The following NDUFS2 variants were observed in gnomAD, a reference collection of about 807,000 sequenced individuals.
NDUFS2 encodes NADH:ubiquinone oxidoreductase core subunit S2.
Under a neutral mutation model 69.6 loss-of-function variants are expected in NDUFS2, and 38 were observed. That is an observed-to-expected ratio of 0.55 (90% CI 0.42 to 0.72). The LOEUF (loss-of-function observed/expected upper bound fraction) is 0.72, where lower values mean the gene tolerates loss of function less well. NDUFS2 is among the 30% of genes least tolerant of loss of function. NDUFS2 has a pLI of 0.00. For synonymous variants in NDUFS2, 194 were observed against 211.2 expected, an observed-to-expected ratio of 0.92 and a Z score of 0.70; for missense variants, 468 against 595.0, an observed-to-expected ratio of 0.79 and a Z score of 2.22.
Position 161,214,304 on chromosome 1 carries a change from T to TGTGTGTG in NDUFS2, c.*111_*112insGTGTGTG. 13 of 1,033,382 alleles carry TGTGTGTG rather than the reference T, an allele frequency of 1.3e-5. No individual in the cohort carries two copies. The highest frequency in any genetic ancestry group is 1.8e-5 in the Non-Finnish European group (12 of 668,158). 64.0% of individuals were successfully genotyped at this position (1,033,382 alleles called of 1,614,324 possible). A position where few individuals can be genotyped will look rare whatever the true frequency, so the allele number is the denominator to read the frequency against. ...GTGTGTGTGTGTGTGTGTGTGTATG[T>TGTGTGTG]TCATGTACACTTGGCTGTCAGGCTT... On this transcript the variant is annotated 3_prime_UTR_variant, in exon 14 of 14. Coordinates refer to ENST00000676972, the MANE Select transcript of NDUFS2 (RefSeq NM_001377299.1).
At chr1:161,200,934 C>T (rs1176297291), upstream of NDUFS2, among the ~76,000 whole-genome samples, 2 of 152,148 alleles carry the variant, frequency 1.3e-5, no homozygotes, top group Non-Finnish European at 2.9e-5. Context: ...TCAGGAGCCC[C>T]CCACCCCAGT....
intron 9 of NDUFS2, 118 bp from the exon 10 acceptor site, chr1:161,212,233 G>A (rs1333487321): frequency 7.7e-7 from 1 of 1,295,946 alleles, no homozygotes; most frequent in Non-Finnish European, 1.1e-6. Context: ...TGCTGTACTT[G>A]GAGAAAAGAG....
upstream of NDUFS2, among the ~76,000 whole-genome samples, chr1:161,200,828 T>C (rs1400642207): frequency 2.0e-5 from 3 of 152,098 alleles, no homozygotes; most frequent in African/African-American, 7.2e-5. Flanking sequence ...GACTAAGCAA[T>C]GAAAGACAAA....
intron 3 of NDUFS2, 30 bp downstream of exon 3, chr1:161,206,627 G>T (rs757729200): frequency 6.2e-7 from 1 of 1,609,326 alleles, no homozygotes. Flanking sequence ...GCCTTTTGGC[G>T]GGATCTGGGG....
intron 3 of NDUFS2, among the ~76,000 whole-genome samples, chr1:161,208,991 C>CACTTTGGAGG (rs766629736): frequency 6.6e-6 from 1 of 152,200 alleles, no homozygotes; most frequent in Non-Finnish European, 1.5e-5. Context: ...AGTCCTCCCT[C>CACTTTGGAGG]ACTTTGGAGA....
intron 10 of NDUFS2, chr1:161,213,035 G>T (rs1041294016): frequency 1.8e-5 from 6 of 342,314 alleles, no homozygotes; most frequent in Admixed American, 4.1e-5. Context: ...CTCCCGAGTA[G>T]CTGGGATTAC....
chr1:161,206,523 C>T lies in NDUFS2; in HGVS notation c.319C>T (p.Arg107Trp), dbSNP rs768045508. The change falls in exon 3 of 14, where the codon CGG becomes TGG. Residue 107 changes from arginine to tryptophan, a missense_variant. By Grantham distance (101) the Arg-to-Trp change is moderately radical. Transcript: ENST00000676972. ...GATGGAATTGAGTGGGGAGATGGTG[C>T]GGAAGTGTGATCCTCACATCGGGCT... is the stretch of plus-strand genomic sequence containing the variant. Reference protein sequence around the residue: ...LVMELSGEMVRKCDPHIGLLH... With the variant: ...LVMELSGEMVWKCDPHIGLLH... 4 of 1,614,198 alleles carry T rather than the reference C, an allele frequency of 2.5e-6. No homozygotes were observed. The highest frequency in any genetic ancestry group is 1.1e-5 in the South Asian group (1 of 91,090).
In NDUFS2 at chr1:161,206,571, C is replaced by T. The variant is rs772258330; in HGVS notation, c.367C>T (p.Leu123Phe). 8 of 1,613,844 alleles carry T rather than the reference C, an allele frequency of 5.0e-6. No individual in the cohort carries two copies. In the Admixed American group the frequency reaches 1.3e-4, roughly 27 times the overall value. The change falls in exon 3 of 14, where the codon CTC becomes TTC. Residue 123 changes from leucine to phenylalanine, a missense_variant. Coordinates refer to ENST00000676972, the MANE Select transcript of NDUFS2 (RefSeq NM_001377299.1). Reference protein sequence around the residue: ...IGLLHRGTEKLIEYKTYLQAL... With the variant: ...IGLLHRGTEKFIEYKTYLQAL... ...GCTCCTGCACCGAGGCACTGAGAAG[C>T]TCATTGAATACAAGACCTATCTTCA... is the stretch of plus-strand genomic sequence containing the variant.
upstream of NDUFS2, chr1:161,198,733 T>G: frequency 8.8e-7 from 1 of 1,131,720 alleles, no homozygotes; most frequent in Non-Finnish European, 1.2e-6. The surrounding 1 kb of genome is among the most constrained non-coding windows in gnomAD (Gnocchi z 4.7). Context: ...CTTGGACTCC[T>G]GCCAAGGTCA....
upstream of NDUFS2, chr1:161,198,499 G>T (rs576178352): frequency 3.2e-5 from 50 of 1,567,436 alleles, no homozygotes; most frequent in Middle Eastern, 5.0e-4. This position sits in a 1 kb window ranked among gnomAD's most constrained non-coding sequence, Gnocchi z 4.7. Flanking sequence ...GCAGGAGAGA[G>T]GCCAGCAGTA....
At chr1:161,201,773 G>A (rs981748118), upstream of NDUFS2, among the ~76,000 whole-genome samples, 8 of 152,126 alleles carry the variant, frequency 5.3e-5, no homozygotes, top group Admixed American at 2.6e-4. Flanking sequence ...ACTCCCCTCC[G>A]CACCACCAAT....
At chr1:161,208,293 G>A (rs1665588278) in intron 3 of NDUFS2, among the ~76,000 whole-genome samples, 2 of 151,482 alleles carry the variant, frequency 1.3e-5, no homozygotes, top group African/African-American at 2.4e-5. Flanking sequence ...CAGTATGTCA[G>A]TTTTTTAAAT....
chr1:161,209,316 A>G lies in NDUFS2; in HGVS notation c.514+3A>G. 1.2e-6 allele frequency: 2 copies of G among 1,614,116 alleles called. No individual in the cohort carries two copies. The highest frequency in any genetic ancestry group is 1.7e-6 in the Non-Finnish European group (2 of 1,180,038). On this transcript the variant is annotated splice_donor_region_variant and intron_variant, in intron 4 of 13. Coordinates refer to ENST00000676972, the MANE Select transcript of NDUFS2 (RefSeq NM_001377299.1). ...TCCTCGGGCACAGTGGATCCGAGGT[A>G]TGTCCCCCCAACTTTTTCTGTGGCC...
chr1:161,202,240 C>G, upstream of NDUFS2: 1 of 768,056 alleles, frequency 1.3e-6, no homozygotes, highest in Non-Finnish European at 2.2e-6. Context: ...GTCACAGGAC[C>G]CGGATGTTGT....
chr1:161,200,884 A>T (rs1205518860), upstream of NDUFS2, among the ~76,000 whole-genome samples: 1 of 152,172 alleles, frequency 6.6e-6, no homozygotes, highest in Non-Finnish European at 1.5e-5. Flanking sequence ...TGTTGGCAGC[A>T]GGGAGAAGGC....
rs121434427 is a variant in NDUFS2, at chr1:161,209,912, G to A, written c.683G>A (p.Arg228Gln). 3.7e-6 allele frequency: 6 copies of A among 1,613,992 alleles called. No homozygotes were observed. Among genetic ancestry groups the A allele is most frequent in the Non-Finnish European group, 5.1e-6 (6 of 1,179,996 alleles). ...SGARMHAAYI[R>Q]PGGVHQDLPL... is the part of the protein sequence containing the mutation. The stretch of plus-strand genomic sequence containing the variant: ...GCCCGAATGCATGCTGCTTATATCC[G>A]GCCAGGAGGAGTGCACCAGGTGAGC... The change falls in exon 6 of 14, where the codon CGG becomes CAG. Residue 228 changes from arginine to glutamine, a missense_variant. By Grantham distance (43) the Arg-to-Gln change is conservative. Coordinates refer to ENST00000676972, the MANE Select transcript of NDUFS2 (RefSeq NM_001377299.1).
At chr1:161,202,121 G>T (rs1053000076), upstream of NDUFS2, 1 of 547,914 alleles carries the variant, frequency 1.8e-6, no homozygotes, top group Non-Finnish European at 3.3e-6. Flanking sequence ...ACGCAGGAAC[G>T]GCAATTTTCC....
At position 161,214,266 on chromosome 1, in the gene NDUFS2, C is replaced by G. The variant is rs1665933075; in HGVS notation, c.*73C>G. On this transcript the variant is annotated 3_prime_UTR_variant, in exon 14 of 14. Transcript: ENST00000676972. ...GAGCCTGTTCCTCACTGGAAATTGG[C>G]CTCTGTGTGTGTGTGTGTGTGTGTG... 8.9e-7 allele frequency: 1 copy of G among 1,119,892 alleles called. No individual in the cohort carries two copies. The highest frequency in any genetic ancestry group is 1.3e-6 in the Non-Finnish European group (1 of 777,686). 69.4% of individuals were successfully genotyped at this position (1,119,892 alleles called of 1,614,324 possible).
chr1:161,212,615 T>C, intron 10 of NDUFS2, 135 bp downstream of exon 10: 2 of 1,193,454 alleles, frequency 1.7e-6, no homozygotes, highest in Non-Finnish European at 2.3e-6. Context: ...TTGCCCAGAC[T>C]GGAGTGCAAT....
Sources: gnomAD v4.1 joint callset for allele counts (sites outside exome capture counted in the v4.1 genomes callset) on GRCh38, gnomAD v4.1.1 for gene constraint, Gnocchi (gnomAD v3.1) non-coding constraint, MANE v1.5 for transcripts, NCBI Gene and HGNC (gene_info 2026-07-23, HGNC 2026-07-21) for gene names.